ZMIZ1: variants seen among roughly 807,000 people sequenced by gnomAD.
ZMIZ1 encodes zinc finger MIZ-type containing 1.
Under a neutral mutation model 113.9 loss-of-function variants are expected in ZMIZ1, and 17 were observed. The ratio of observed to expected loss-of-function variants is 0.15; its 90% confidence interval spans 0.10 to 0.22. The LOEUF is 0.22. ZMIZ1 is among the 10% of genes least tolerant of loss of function. The probability of loss-of-function intolerance (pLI) is 1.00; values close to 1 mark genes in which losing one functional copy is unlikely to be tolerated. For synonymous variants in ZMIZ1, 607 were observed against 603.1 expected (o/e 1.01, Z -0.09); for missense variants, 1,059 against 1,477.8 (o/e 0.72, Z 4.65).
At chr10:79,140,389 A>G (rs965739252) in intron 3 of ZMIZ1, among the ~76,000 whole-genome samples, 7 of 152,238 alleles carry the variant, frequency 4.6e-5, no homozygotes, top group African/African-American at 1.4e-4. Context: ...TCACACAGCT[A>G]GCTCTGGCCA....
chr10:79,245,567 T>A (rs1389539338), intron 7 of ZMIZ1, among the ~76,000 whole-genome samples: 2 of 152,164 alleles, frequency 1.3e-5, no homozygotes, highest in African/African-American at 2.4e-5. Context: ...CAGATCTCAG[T>A]CTGCATTGGT....
intron 4 of ZMIZ1, 53 bp from the exon 5 acceptor site, chr10:79,201,531 A>G: frequency 7.2e-7 from 1 of 1,381,028 alleles, no homozygotes; most frequent in South Asian, 1.3e-5. Context: ...GAGGCTGCTC[A>G]AGGTTGGCAG....
intron 1 of ZMIZ1, among the ~76,000 whole-genome samples, chr10:79,071,311 G>C (rs1842277448): frequency 6.6e-6 from 1 of 152,372 alleles, no homozygotes; most frequent in East Asian, 1.9e-4. Context: ...CTCCTCCCTG[G>C]TGGGTGTGAG....
intron 8 of ZMIZ1, among the ~76,000 whole-genome samples, chr10:79,283,634 A>G (rs1196009563): frequency 2.0e-5 from 3 of 152,216 alleles, no homozygotes; most frequent in African/African-American, 7.2e-5. Flanking sequence ...CCCCAAGAAC[A>G]TTTTAAAAAC....
intron 1 of ZMIZ1, among the ~76,000 whole-genome samples, chr10:79,092,355 G>A (rs1284393258): frequency 1.3e-5 from 2 of 152,216 alleles, no homozygotes; most frequent in African/African-American, 4.8e-5. Flanking sequence ...GGTGACCCTA[G>A]GACCTGGGTT....
chr10:79,143,799 G>T (rs1298117095), intron 3 of ZMIZ1, among the ~76,000 whole-genome samples: 2 of 152,150 alleles, frequency 1.3e-5, no homozygotes, highest in African/African-American at 4.8e-5. Context: ...TGGGGGGTGG[G>T]GGTGGAGAGA....
intron 8 of ZMIZ1, among the ~76,000 whole-genome samples, chr10:79,289,440 C>T (rs1853315096): frequency 6.6e-6 from 1 of 152,122 alleles, no homozygotes; most frequent in Non-Finnish European, 1.5e-5. Flanking sequence ...AGTCAGAGCC[C>T]GGGTGAAGGA....
At chr10:79,250,493 A>G (rs1250597) in intron 7 of ZMIZ1, among the ~76,000 whole-genome samples, 81,390 of 152,180 alleles carry the variant, frequency 0.53, 22,114 homozygotes, top group South Asian at 0.6. Flanking sequence ...AGGTCCTAGC[A>G]TGTGTCAGCT....
At position 79,127,210 on chromosome 10, in the gene ZMIZ1, G is replaced by A. The variant is rs139221297; in HGVS notation, c.-227+8186G>A. Among the ~76,000 whole-genome samples, 644 of 152,292 alleles carry A rather than the reference G, an allele frequency of 4.2e-3. 4 individuals are homozygous for A. The highest frequency in any genetic ancestry group is 0.015 in the African/African-American group (607 of 41,566). Reference sequence around the variant, plus strand: ...CATGCCAGTGCCAGGCATGCTGCCGGCGCTCTGGGTGCCTGGTGCCCTCTC... The same window carrying A: ...CATGCCAGTGCCAGGCATGCTGCCGACGCTCTGGGTGCCTGGTGCCCTCTC... On this transcript the variant is annotated intron_variant, in intron 2 of 24. Transcript: ENST00000334512.
chr10:79,311,295 GGGCGGTGGGA>G, intron 24 of ZMIZ1, 111 bp downstream of exon 24: 2 of 1,350,314 alleles, frequency 1.5e-6, no homozygotes, highest in South Asian at 1.4e-5. Flanking sequence ...GGAGGTGGGT[GGGCGGTGGGA>G]GGGCTTCACC....
At chr10:79,091,761 G>A (rs12782056) in intron 1 of ZMIZ1, among the ~76,000 whole-genome samples, 2 of 152,188 alleles carry the variant, frequency 1.3e-5, no homozygotes, top group African/African-American at 4.8e-5. Flanking sequence ...GACTTTAGGG[G>A]AAGAACAGAG....
intron 2 of ZMIZ1, among the ~76,000 whole-genome samples, chr10:79,131,181 T>C (rs1844749966): frequency 6.6e-6 from 1 of 152,118 alleles, no homozygotes; most frequent in Non-Finnish European, 1.5e-5. Flanking sequence ...GAACCGATAT[T>C]CACCAAGCAA....
intron 4 of ZMIZ1, among the ~76,000 whole-genome samples, chr10:79,185,072 C>T (rs1380718234): frequency 1.3e-5 from 2 of 152,222 alleles, no homozygotes; most frequent in Non-Finnish European, 2.9e-5. Flanking sequence ...CACCTCACTG[C>T]CCAGGCGAGC....
chr10:79,310,005 G>A (rs371845447), intron 23 of ZMIZ1, among the ~76,000 whole-genome samples: 1 of 152,166 alleles, frequency 6.6e-6, no homozygotes, highest in African/African-American at 2.4e-5. Context: ...GCTAGCAGGG[G>A]AATGTTCACA....
chr10:79,304,966 G>A (rs1180912528), intron 19 of ZMIZ1, among the ~76,000 whole-genome samples, 198 bp from the exon 20 acceptor site: 1 of 152,148 alleles, frequency 6.6e-6, no homozygotes, highest in Non-Finnish European at 1.5e-5. Flanking sequence ...GGTGGTGTGA[G>A]GGATGCTGGG....
Position 79,297,343 on chromosome 10 carries a change from A to C in ZMIZ1, c.1414-270A>C, listed in dbSNP as rs143492063. Reference sequence around the variant, plus strand: ...TCATGCTAATTTATTATGGCCATCTACCAAACAGGTTTACCGTTTTTGCTC... The same window carrying C: ...TCATGCTAATTTATTATGGCCATCTCCCAAACAGGTTTACCGTTTTTGCTC... On this transcript the variant is annotated intron_variant, in intron 13 of 24. Transcript: ENST00000334512. Among the ~76,000 whole-genome samples, 476 of 152,342 alleles carry C rather than the reference A, an allele frequency of 3.1e-3. 1 individual carries two copies. The highest frequency in any genetic ancestry group is 0.011 in the African/African-American group (457 of 41,582).
At chr10:79,187,170 G>A (rs1474812896) in intron 4 of ZMIZ1, among the ~76,000 whole-genome samples, 1 of 152,210 alleles carries the variant, frequency 6.6e-6, no homozygotes, top group Non-Finnish European at 1.5e-5. Flanking sequence ...GTTAAAGCTA[G>A]AAGATGCCTT....
At chr10:79,271,919 C>T (rs1589533616) in intron 7 of ZMIZ1, among the ~76,000 whole-genome samples, 1 of 152,124 alleles carries the variant, frequency 6.6e-6, no homozygotes, top group Admixed American at 6.6e-5. Flanking sequence ...AGAGGCTCTT[C>T]GTGCTAACTA....
intron 5 of ZMIZ1, among the ~76,000 whole-genome samples, chr10:79,202,077 A>AG (rs1177907505): frequency 6.1e-4 from 91 of 150,290 alleles, no homozygotes; most frequent in African/African-American, 2.1e-3. Context: ...AAAAAAAAAA[A>AG]AAGTCACAGG....
Sources: gnomAD v4.1 joint callset for allele counts (sites outside exome capture counted in the v4.1 genomes callset) on GRCh38, gnomAD v4.1.1 for gene constraint, MANE v1.5 for transcripts, NCBI Gene and HGNC (gene_info 2026-07-23, HGNC 2026-07-21) for gene names.